Variants in CNTN3 observed in about 807,000 individuals in gnomAD.
The protein encoded by CNTN3 is contactin-3.
Under a neutral mutation model 119.1 loss-of-function variants are expected in CNTN3, and 60 were observed. The observed-to-expected ratio is 0.50, with a 90% CI of 0.41 to 0.62. CNTN3 has a LOEUF of 0.62. CNTN3 is among the 20% of genes least tolerant of loss of function. The pLI is 0.00. For missense variants in CNTN3, 1,101 were observed against 1,242.4 expected (o/e 0.89, Z 1.71); for synonymous variants, 450 against 438.7 (o/e 1.03, Z -0.32).
In CNTN3 at chr3:74,273,202, G is replaced by A. The variant is rs576761231; in HGVS notation, c.2705-5824C>T. ...TAGCAATAGTCATTTAATAAAAACC[G>A]TCTGAAACATTCAGACTCATTCTTT... On this transcript the variant is annotated intron_variant, in intron 20 of 22. Transcript: ENST00000263665. 7.9e-5 allele frequency among the ~76,000 whole-genome samples: 12 copies of A among 152,170 alleles called. No homozygotes were observed. The Middle Eastern group carries it at 0.01, about 129-fold the overall frequency.
intron 4 of CNTN3, among the ~76,000 whole-genome samples, chr3:74,450,603 C>A (rs1393697515): frequency 6.6e-6 from 1 of 150,972 alleles, no homozygotes; most frequent in Non-Finnish European, 1.5e-5. Context: ...TGCTGGTGCG[C>A]TGCACCCACT....
chr3:74,609,733 C>T (rs932700598), intron 1 of CNTN3, among the ~76,000 whole-genome samples: 3 of 152,138 alleles, frequency 2.0e-5, no homozygotes, highest in African/African-American at 7.2e-5. Context: ...CTCAGCAAAC[C>T]AATAAGCTTA....
chr3:74,428,760 G>A (rs537568266), intron 4 of CNTN3, among the ~76,000 whole-genome samples: 197 of 152,140 alleles, frequency 1.3e-3, no homozygotes, highest in African/African-American at 4.5e-3. Context: ...TTCACTCACC[G>A]CTCACTCACC....
intron 5 of CNTN3, among the ~76,000 whole-genome samples, chr3:74,393,248 A>G (rs1014247632): frequency 6.6e-6 from 1 of 152,182 alleles, no homozygotes; most frequent in South Asian, 2.1e-4. Flanking sequence ...CATGACTAGG[A>G]GCAGGAGGTC....
chr3:74,310,863 C>G (rs1217718942), intron 13 of CNTN3, among the ~76,000 whole-genome samples: 1 of 152,120 alleles, frequency 6.6e-6, no homozygotes, highest in East Asian at 1.9e-4. Flanking sequence ...CCTTCCAGAT[C>G]CATTTTGCAC....
chr3:74,454,365 T>C (rs1180727261), intron 4 of CNTN3, among the ~76,000 whole-genome samples: 2 of 146,596 alleles, frequency 1.4e-5, no homozygotes, highest in Non-Finnish European at 3.0e-5. Flanking sequence ...ATTTGCTTGG[T>C]AGATCTTCCT....
chr3:74,391,184 G>T (rs1005291417), intron 5 of CNTN3, among the ~76,000 whole-genome samples: 2 of 152,142 alleles, frequency 1.3e-5, no homozygotes, highest in African/African-American at 4.8e-5. Context: ...TTCTCTTACT[G>T]CATGCTTCCT....
At chr3:74,451,543 C>T (rs528037010) in intron 4 of CNTN3, among the ~76,000 whole-genome samples, 161 of 152,238 alleles carry the variant, frequency 1.1e-3, no homozygotes, top group Middle Eastern at 0.01. Context: ...TCAATTTTGG[C>T]TTTTGTTGCC....
At chr3:74,350,915 G>C (rs1021532720) in intron 11 of CNTN3, among the ~76,000 whole-genome samples, 2 of 152,094 alleles carry the variant, frequency 1.3e-5, no homozygotes, top group Non-Finnish European at 2.9e-5. Context: ...AGACTTTGGG[G>C]ACTCCAAAAG....
intron 13 of CNTN3, among the ~76,000 whole-genome samples, chr3:74,305,747 G>A (rs900329573): frequency 6.6e-6 from 1 of 150,414 alleles, no homozygotes; most frequent in East Asian, 1.9e-4. Context: ...TCTAGGATGC[G>A]GGTCATCTTC....
At chr3:74,491,512 AC>A (rs1702963848) in intron 3 of CNTN3, among the ~76,000 whole-genome samples, 1 of 152,112 alleles carries the variant, frequency 6.6e-6, no homozygotes. Context: ...AAAACAAAAA[AC>A]AAAAAACAAA....
At chr3:74,382,678 A>ACTG (rs949406479) in intron 5 of CNTN3, among the ~76,000 whole-genome samples, 2 of 152,304 alleles carry the variant, frequency 1.3e-5, no homozygotes, top group African/African-American at 4.8e-5. Context: ...GTTCATCCAC[A>ACTG]CTGTCACAAA....
At chr3:74,276,053 C>A (rs1701872571) in intron 20 of CNTN3, among the ~76,000 whole-genome samples, 1 of 152,036 alleles carries the variant, frequency 6.6e-6, no homozygotes, top group Non-Finnish European at 1.5e-5. Context: ...TAAAGAGGGA[C>A]ATTATATAAT....
chr3:74,402,494 G>A (rs1705224013), intron 5 of CNTN3, among the ~76,000 whole-genome samples: 1 of 152,040 alleles, frequency 6.6e-6, no homozygotes, highest in Non-Finnish European at 1.5e-5. Flanking sequence ...GAAACCTCCT[G>A]TAACACATGA....
At chr3:74,474,448 AG>A (rs1702617832) in intron 4 of CNTN3, among the ~76,000 whole-genome samples, 1 of 152,194 alleles carries the variant, frequency 6.6e-6, no homozygotes, top group Non-Finnish European at 1.5e-5. Context: ...ATATAAATTT[AG>A]GAGTAATAAA....
At chr3:74,574,611 T>C (rs1195925096) in intron 1 of CNTN3, among the ~76,000 whole-genome samples, 1 of 152,188 alleles carries the variant, frequency 6.6e-6, no homozygotes, top group Non-Finnish European at 1.5e-5. Flanking sequence ...ATGGAAGTCA[T>C]GCTGTTTTTC....
chr3:74,297,894 C>T (rs1177660624), intron 18 of CNTN3, 63 bp downstream of exon 18: 4 of 1,273,040 alleles, frequency 3.1e-6, no homozygotes, highest in Non-Finnish European at 4.5e-6. Context: ...GACTCCAAAT[C>T]AGTTTTTGGA....
At chr3:74,418,233 G>A (rs2106883854) in intron 5 of CNTN3, among the ~76,000 whole-genome samples, 1 of 151,960 alleles carries the variant, frequency 6.6e-6, no homozygotes, top group African/African-American at 2.4e-5. Flanking sequence ...TTGCTATGTT[G>A]CCTAGTCTGG....
intron 13 of CNTN3, among the ~76,000 whole-genome samples, chr3:74,330,504 T>C (rs759115306): frequency 6.6e-6 from 1 of 152,226 alleles, no homozygotes. Flanking sequence ...CATACAATTA[T>C]GTACAGTACA....
Sources: gnomAD v4.1 joint callset for allele counts (sites outside exome capture counted in the v4.1 genomes callset) on GRCh38, gnomAD v4.1.1 for gene constraint, MANE v1.5 for transcripts, NCBI Gene and HGNC (gene_info 2026-07-23, HGNC 2026-07-21) for gene names.